Variants in KIAA1549 observed in about 807,000 individuals in gnomAD.
The protein encoded by KIAA1549 is KIAA1549.
In KIAA1549, 70 loss-of-function variants were observed where a neutral mutation model predicts 156.4. That is an observed-to-expected ratio of 0.45 (90% CI 0.37 to 0.55). The LOEUF is 0.55. Among genes scored for constraint, KIAA1549 ranks in the 20% least tolerant of loss-of-function variants. The probability of loss-of-function intolerance (pLI) is 0.00; values close to 1 mark genes in which losing one functional copy is unlikely to be tolerated. For synonymous variants in KIAA1549, 1,103 were observed against 1,066.4 expected (o/e 1.03, Z -0.67); for missense variants, 2,428 against 2,540.9 (o/e 0.96, Z 0.96).
At chr7:138,944,732 C>A (rs182285675) in intron 1 of KIAA1549, among the ~76,000 whole-genome samples, 89 of 152,292 alleles carry the variant, frequency 5.8e-4, no homozygotes, top group African/African-American at 1.5e-3. Flanking sequence ...TGGAAGACCA[C>A]TGCATAGTTC....
At chr7:138,847,642 T>C (rs1291109203) in intron 17 of KIAA1549, among the ~76,000 whole-genome samples, 1 of 152,242 alleles carries the variant, frequency 6.6e-6, no homozygotes, top group African/African-American at 2.4e-5. Flanking sequence ...ACCATCTTAA[T>C]CACTTGACAG....
chr7:138,891,533 G>T (rs189435183), intron 10 of KIAA1549, among the ~76,000 whole-genome samples: 1 of 152,256 alleles, frequency 6.6e-6, no homozygotes. Context: ...ATAAGCAAAG[G>T]CTGTGCCTCA....
intron 7 of KIAA1549, 137 bp from the exon 8 acceptor site, chr7:138,903,873 A>G (rs921187108): frequency 8.3e-6 from 6 of 726,440 alleles, no homozygotes; most frequent in African/African-American, 1.9e-5. Context: ...GCGCGCGCAC[A>G]TATGTATTTG....
chr7:138,841,645 C>T (rs2130328205), intron 18 of KIAA1549, among the ~76,000 whole-genome samples: 1 of 152,288 alleles, frequency 6.6e-6, no homozygotes, highest in South Asian at 2.1e-4. Context: ...CACAAAGGCT[C>T]CAAGCGTCCA....
chr7:138,911,823 A>G (rs1812178030), intron 3 of KIAA1549, among the ~76,000 whole-genome samples: 1 of 152,072 alleles, frequency 6.6e-6, no homozygotes, highest in African/African-American at 2.4e-5. Context: ...TCTGGTATGT[A>G]TTTTCCACCC....
chr7:138,881,437 G>A lies in KIAA1549; in HGVS notation c.4180C>T (p.Pro1394Ser). ...HTTPSENGDV[P>S]SPKSKIPSKN... ...GAAGGGATCTTTGACTTGGGGCTTG[G>A]CACGTCTCCATTTTCCGAGGGCGTG... The change falls in exon 11 of 20, where the codon CCA (proline) becomes TCA (serine). Residue 1394 changes from proline (P) to serine (S), a missense_variant. Physicochemically the swap from Pro to Ser is moderately conservative, Grantham distance 74. Transcript: ENST00000422774. 1 of 1,614,048 alleles carries A rather than the reference G, an allele frequency of 6.2e-7. No homozygotes were observed. The highest frequency in any genetic ancestry group is 8.5e-7 in the Non-Finnish European group (1 of 1,179,894).
chr7:138,851,869 T>C (rs1810244176), intron 17 of KIAA1549, among the ~76,000 whole-genome samples: 1 of 152,222 alleles, frequency 6.6e-6, no homozygotes, highest in Non-Finnish European at 1.5e-5. Flanking sequence ...AATCCGCAGG[T>C]GTCCCTGGGG....
At chr7:138,874,100 T>C (rs1454415602) in intron 12 of KIAA1549, among the ~76,000 whole-genome samples, 1 of 148,296 alleles carries the variant, frequency 6.7e-6, no homozygotes, top group Non-Finnish European at 1.5e-5. Context: ...ATAAATATAA[T>C]TATATAATAT....
At chr7:138,955,408 G>A (rs1429260472) in intron 1 of KIAA1549, among the ~76,000 whole-genome samples, 4 of 152,016 alleles carry the variant, frequency 2.6e-5, no homozygotes, top group Admixed American at 2.0e-4. Context: ...ATTTACAGGA[G>A]GTACATAGAG....
intron 2 of KIAA1549, 124 bp downstream of exon 2, chr7:138,916,624 T>C (rs1812327663): frequency 6.9e-7 from 1 of 1,458,026 alleles, no homozygotes; most frequent in Admixed American, 2.3e-5. Context: ...GAGTACTACC[T>C]GGGAGTTAAC....
In KIAA1549 at chr7:138,862,317, T is replaced by C. The variant is rs572384695; in HGVS notation, c.4930-861A>G. Among the ~76,000 whole-genome samples, 65 of 151,860 alleles carry C rather than the reference T, an allele frequency of 4.3e-4. 1 individual carries two copies. Among genetic ancestry groups the C allele is most frequent in the South Asian group, 1.2e-3 (6 of 4,808 alleles). On this transcript the variant is annotated intron_variant, in intron 15 of 19. Transcript: ENST00000422774. ...GAATTTGAGACTAACCTAGGCAACA[T>C]AGCAAGACCCCCATCTTTACAAAAA...
At chr7:138,933,007 C>T (rs1475781401) in intron 1 of KIAA1549, among the ~76,000 whole-genome samples, 3 of 152,046 alleles carry the variant, frequency 2.0e-5, no homozygotes, top group African/African-American at 2.4e-5. Context: ...GAAAATCGGT[C>T]GGTACTGGGG....
At chr7:138,868,974 G>C (rs1367420745) in intron 14 of KIAA1549, among the ~76,000 whole-genome samples, 1 of 152,226 alleles carries the variant, frequency 6.6e-6, no homozygotes, top group East Asian at 1.9e-4. Flanking sequence ...GTTTTGAGTA[G>C]AGAAAGACAT....
chr7:138,903,859 G>GCA (rs1563070814), intron 7 of KIAA1549, 123 bp from the exon 8 acceptor site: 53 of 666,132 alleles, frequency 8.0e-5, no homozygotes, highest in South Asian at 4.7e-4. Flanking sequence ...GTGTGCGCGC[G>GCA]CGCGCGCGCG....
intron 1 of KIAA1549, among the ~76,000 whole-genome samples, chr7:138,923,522 C>CCCG (rs1812622201): frequency 1.3e-5 from 2 of 152,084 alleles, no homozygotes; most frequent in South Asian, 2.1e-4. Context: ...ATCACATGAA[C>CCCG]CCGGGAGGTG....
At chr7:138,904,613 CCCT>C (rs1811953801) in intron 7 of KIAA1549, among the ~76,000 whole-genome samples, 2 of 147,960 alleles carry the variant, frequency 1.4e-5, no homozygotes, top group South Asian at 4.3e-4. Flanking sequence ...TGACCCACTC[CCCT>C]AAGACAAAAA....
At chr7:138,958,888 T>G (rs959689092) in intron 1 of KIAA1549, among the ~76,000 whole-genome samples, 3 of 152,190 alleles carry the variant, frequency 2.0e-5, no homozygotes, top group East Asian at 3.9e-4. Flanking sequence ...AAAGGTTTTT[T>G]TTTTGTTTTG....
At chr7:138,937,431 A>C (rs1005093031) in intron 1 of KIAA1549, among the ~76,000 whole-genome samples, 1 of 152,178 alleles carries the variant, frequency 6.6e-6, no homozygotes, top group African/African-American at 2.4e-5. Context: ...ACAAACACCT[A>C]CCGGTCATGT....
intron 1 of KIAA1549, among the ~76,000 whole-genome samples, chr7:138,948,192 G>A (rs1736408412): frequency 6.6e-6 from 1 of 152,216 alleles, no homozygotes; most frequent in Non-Finnish European, 1.5e-5. Context: ...GGCCTTACTA[G>A]GGGCAATCAA....
Sources: gnomAD v4.1 joint callset for allele counts (sites outside exome capture counted in the v4.1 genomes callset) on GRCh38, gnomAD v4.1.1 for gene constraint, MANE v1.5 for transcripts, NCBI Gene and HGNC (gene_info 2026-07-23, HGNC 2026-07-21) for gene names.